Variants in SLC35F3 observed in about 807,000 individuals in gnomAD.
SLC35F3 encodes putative thiamine transporter SLC35F3.
Under a neutral mutation model 49.9 loss-of-function variants are expected in SLC35F3, and 25 were observed. The ratio of observed to expected loss-of-function variants is 0.50; its 90% CI spans 0.37 to 0.70. SLC35F3 has a LOEUF of 0.70. Among genes scored for constraint, SLC35F3 ranks in the 30% least tolerant of loss-of-function variants. The probability of loss-of-function intolerance (pLI) is 0.00; values close to 1 mark genes in which losing one functional copy is unlikely to be tolerated. For missense variants in SLC35F3, 525 were observed against 639.8 expected (o/e 0.82, Z 1.94); for synonymous variants, 275 against 265.4 (o/e 1.04, Z -0.35).
intron 2 of SLC35F3, among the ~76,000 whole-genome samples, chr1:233,942,965 A>T (rs1011383110): frequency 5.9e-5 from 9 of 152,214 alleles, no homozygotes; most frequent in Non-Finnish European, 1.2e-4. Context: ...TTGTCGTTTT[A>T]TGACTGGCTT....
intron 7 of SLC35F3, among the ~76,000 whole-genome samples, chr1:234,322,119 G>A (rs188485047): frequency 7.0e-4 from 107 of 151,920 alleles, no homozygotes; most frequent in Middle Eastern, 3.4e-3. Context: ...GCTTGAGCCC[G>A]GGAGGTGGAG....
chr1:234,084,380 T>C (rs1664929832), intron 2 of SLC35F3, among the ~76,000 whole-genome samples: 1 of 152,166 alleles, frequency 6.6e-6, no homozygotes, highest in African/African-American at 2.4e-5. Flanking sequence ...CAAACAAATA[T>C]GAGACATAAA....
intron 3 of SLC35F3, chr1:234,268,844 A>G (rs1668052554): frequency 6.6e-6 from 1 of 152,262 alleles, no homozygotes; most frequent in African/African-American, 2.4e-5. Context: ...GTGTTAGACA[A>G]AAAAACTAAA....
chr1:233,963,311 C>CT (rs924318197), intron 2 of SLC35F3, among the ~76,000 whole-genome samples: 1 of 124,300 alleles, frequency 8.0e-6, no homozygotes, highest in African/African-American at 3.0e-5. Flanking sequence ...TTTTTTTTTT[C>CT]TTTTTTTGAG....
rs923246668 is a variant in SLC35F3, at chr1:234,232,618, A to G, written c.608+877A>G. On this transcript the variant is annotated intron_variant, in intron 3 of 7. Transcript: ENST00000366618. ...CCCTGGAAACTTTTATCAGCCCCAG[A>G]GGTGAGGAGAAATTGAGCATTTAAG... Among the ~76,000 whole-genome samples, 3 of 151,918 alleles carry G rather than the reference A, an allele frequency of 2.0e-5. No individual in the cohort carries two copies. The East Asian group carries it at 5.8e-4, about 29-fold the overall frequency.
intron 2 of SLC35F3, among the ~76,000 whole-genome samples, chr1:234,201,522 A>G (rs74927435): frequency 0.046 from 6,955 of 152,278 alleles, 548 homozygotes; most frequent in African/African-American, 0.16. Flanking sequence ...CATCCTTCAT[A>G]TCTTAGATGA....
At chr1:233,963,743 A>G (rs1337978481) in intron 2 of SLC35F3, among the ~76,000 whole-genome samples, 1 of 152,212 alleles carries the variant, frequency 6.6e-6, no homozygotes, top group East Asian at 1.9e-4. Flanking sequence ...GGTGAAGGTC[A>G]TGTTTCATCT....
At chr1:234,149,482 T>A (rs1317228852) in intron 2 of SLC35F3, among the ~76,000 whole-genome samples, 1 of 152,190 alleles carries the variant, frequency 6.6e-6, no homozygotes, top group Non-Finnish European at 1.5e-5. Flanking sequence ...ACTGTAACTA[T>A]GACATTTACA....
In SLC35F3 at chr1:234,132,858, T is replaced by C. The variant is rs1241288510; in HGVS notation, c.284-98559T>C. ...GCCTTCCCACTCCAAAATATGAACA[T>C]TCCACGCAAAATTTCTAGTGGAAGC... On this transcript the variant is annotated intron_variant, in intron 2 of 7. Transcript: ENST00000366618. Among the ~76,000 whole-genome samples, 3 of 152,318 alleles carry C rather than the reference T, an allele frequency of 2.0e-5. No homozygotes were observed. In the East Asian group the frequency reaches 5.8e-4, roughly 29 times the overall value.
At chr1:233,962,761 T>G (rs139189704) in intron 2 of SLC35F3, among the ~76,000 whole-genome samples, 1 of 152,332 alleles carries the variant, frequency 6.6e-6, no homozygotes, top group African/African-American at 2.4e-5. Context: ...TCAGGCAGAA[T>G]CTAAACATGA....
intron 2 of SLC35F3, among the ~76,000 whole-genome samples, chr1:233,985,017 G>A (rs1272048603): frequency 8.6e-6 from 1 of 116,814 alleles, no homozygotes; most frequent in Non-Finnish European, 2.2e-5. Flanking sequence ...CAGGGGTTGG[G>A]GGGGTGCCCC....
intron 2 of SLC35F3, among the ~76,000 whole-genome samples, chr1:233,982,325 T>C (rs1663199609): frequency 1.3e-5 from 2 of 152,182 alleles, no homozygotes; most frequent in Admixed American, 1.3e-4. Context: ...TTAAATTGAT[T>C]TTTAGATTTT....
chr1:233,981,446 T>TCTTGGAGCAGCAGACCTTCTCAG (rs1355475075), intron 2 of SLC35F3, among the ~76,000 whole-genome samples: 27 of 152,240 alleles, frequency 1.8e-4, no homozygotes, highest in Non-Finnish European at 2.8e-4. Flanking sequence ...CTTCTTTCTC[T>TCTTGGAGCAGCAGACCTTCTCAG]CAGCAGAAGG....
rs951893272 is a variant in SLC35F3 at position 234,171,251 on chromosome 1, C to A, written c.284-60166C>A. Among the ~76,000 whole-genome samples the A allele has an allele frequency of 4.6e-5, 7 of 152,174 alleles. No individual in the cohort carries two copies. The East Asian group carries it at 9.6e-4, about 21-fold the overall frequency. The stretch of plus-strand genomic sequence containing the variant: ...CTGCATACTGGGACCATTGAGGAAG[C>A]CTTGAAGGGTACTAATGCTCTGTCC... On this transcript the variant is annotated intron_variant, in intron 2 of 7. Transcript: ENST00000366618.
chr1:233,908,272 C>G (rs558824400), intron 2 of SLC35F3, among the ~76,000 whole-genome samples: 4 of 152,050 alleles, frequency 2.6e-5, no homozygotes, highest in African/African-American at 7.2e-5. Flanking sequence ...TTTCAGTCAT[C>G]TTTCAAAGTG....
chr1:233,944,311 A>C (rs948530620), intron 2 of SLC35F3, among the ~76,000 whole-genome samples: 1 of 152,352 alleles, frequency 6.6e-6, no homozygotes, highest in South Asian at 2.1e-4. Flanking sequence ...AAGCCTTCTC[A>C]GTTGAACACT....
rs1382737812 is a variant in SLC35F3, at chr1:233,921,662, T to C, written c.283+15904T>C. Among the ~76,000 whole-genome samples the C allele has an allele frequency of 2.6e-5, 4 of 152,260 alleles. No individual in the cohort carries two copies. The East Asian group carries it at 7.7e-4, about 29-fold the overall frequency. ...TAGTAGGCAGCTTTTTCTTTTTTTT[T>C]ATTATTATACTTTAAGTTCTAGGGT... On this transcript the variant is annotated intron_variant, in intron 2 of 7. Coordinates refer to ENST00000366618, the MANE Select transcript of SLC35F3 (RefSeq NM_173508.4).
intron 2 of SLC35F3, among the ~76,000 whole-genome samples, chr1:234,010,269 G>A (rs1663695275): frequency 6.6e-6 from 1 of 152,160 alleles, no homozygotes; most frequent in South Asian, 2.1e-4. Flanking sequence ...TCAAAGTTAT[G>A]TTGTTATCAG....
At chr1:233,977,171 G>A (rs1663105955) in intron 2 of SLC35F3, among the ~76,000 whole-genome samples, 1 of 152,176 alleles carries the variant, frequency 6.6e-6, no homozygotes, top group Non-Finnish European at 1.5e-5. Context: ...CTTCCATATT[G>A]CAGCCCTGCA....
Sources: gnomAD v4.1 joint callset for allele counts (sites outside exome capture counted in the v4.1 genomes callset) on GRCh38, gnomAD v4.1.1 for gene constraint, MANE v1.5 for transcripts, NCBI Gene and HGNC (gene_info 2026-07-23, HGNC 2026-07-21) for gene names.